Variants in NAALADL2 observed in about 807,000 individuals in gnomAD.
The protein encoded by NAALADL2 is inactive N-acetylated-alpha-linked acidic dipeptidase-like protein 2.
NAALADL2 carries 76 observed loss-of-function variants against 87.2 expected under a neutral mutation model. The observed-to-expected ratio is 0.87, with a 90% CI of 0.72 to 1.05. The LOEUF (loss-of-function observed/expected upper bound fraction) is 1.05. Among genes scored for constraint, NAALADL2 ranks in the 50% least tolerant of loss-of-function variants. NAALADL2 has a pLI of 0.00. For synonymous variants in NAALADL2, 354 were observed against 331.0 expected (o/e 1.07, Z -0.75); for missense variants, 1,089 against 945.8 (o/e 1.15, Z -1.99).
At chr3:174,842,611 T>A (rs1724150937) in intron 3 of NAALADL2, among the ~76,000 whole-genome samples, 1 of 152,206 alleles carries the variant, frequency 6.6e-6, no homozygotes, top group African/African-American at 2.4e-5. Flanking sequence ...TTTTGTTACA[T>A]ACTTCTTTCA....
At chr3:175,659,530 G>A (rs1255974080) in intron 11 of NAALADL2, among the ~76,000 whole-genome samples, 1 of 151,902 alleles carries the variant, frequency 6.6e-6, no homozygotes, top group East Asian at 1.9e-4. Flanking sequence ...TTTAGTTATT[G>A]GAATATTGTA....
At chr3:174,527,263 G>A (rs771950234) in intron 1 of NAALADL2, among the ~76,000 whole-genome samples, 5 of 152,116 alleles carry the variant, frequency 3.3e-5, no homozygotes, top group Admixed American at 6.6e-5. Flanking sequence ...GGTCAGGCCT[G>A]CAATCCCAGC....
rs1754393143 is a variant in NAALADL2, at chr3:175,803,175, T to C, written c.2360T>C (p.Phe787Ser). 6.2e-7 allele frequency: 1 copy of C among 1,610,196 alleles called. No homozygotes were observed. Among genetic ancestry groups the C allele is most frequent in the Non-Finnish European group, 8.5e-7 (1 of 1,178,006 alleles). The change falls in exon 14 of 14, where the codon TTC becomes TCC. Residue 787 changes from phenylalanine (F) to serine (S), a missense_variant. Coordinates refer to ENST00000454872, the MANE Select transcript of NAALADL2 (RefSeq NM_207015.3). ...TACTTCAAAGCAGGACTTGATGTGT[T>C]CAAGAGTGTCTTGGATGGGAAGAAT... ...QVYFKAGLDV[F>S]KSVLDGKN
chr3:175,027,463 T>G (rs555315337), intron 1 of NAALADL2, among the ~76,000 whole-genome samples: 1 of 152,220 alleles, frequency 6.6e-6, no homozygotes, highest in African/African-American at 2.4e-5. Context: ...CATAACGGTA[T>G]GATTTTATTA....
intron 1 of NAALADL2, among the ~76,000 whole-genome samples, chr3:175,021,899 T>TCTGTCCCCTTCAGATCTCAA (rs1292141405): frequency 6.6e-6 from 1 of 152,104 alleles, no homozygotes. Flanking sequence ...CAAGTTGAAA[T>TCTGTCCCCTTCAGATCTCAA]GTGATCTTCA....
intron 1 of NAALADL2, among the ~76,000 whole-genome samples, chr3:174,503,048 T>C (rs1035112020): frequency 6.6e-6 from 1 of 151,692 alleles, no homozygotes; most frequent in Non-Finnish European, 1.5e-5. Flanking sequence ...AAACCTCTTA[T>C]CTTTCATATT....
intron 2 of NAALADL2, among the ~76,000 whole-genome samples, chr3:175,191,783 T>C (rs909438044): frequency 1.3e-5 from 2 of 152,218 alleles, no homozygotes; most frequent in African/African-American, 4.8e-5. Flanking sequence ...CACTGATTTC[T>C]TTAAGAAGTT....
At chr3:174,549,326 A>C (rs1056320703) in intron 1 of NAALADL2, among the ~76,000 whole-genome samples, 5 of 152,222 alleles carry the variant, frequency 3.3e-5, no homozygotes, top group African/African-American at 1.2e-4. Context: ...GAAATCACTT[A>C]GAAAATAAAA....
intron 1 of NAALADL2, among the ~76,000 whole-genome samples, chr3:174,965,628 T>C (rs1742756048): frequency 6.6e-6 from 1 of 152,086 alleles, no homozygotes. Flanking sequence ...ATTTTGTGCT[T>C]ATATGAAGGA....
chr3:174,653,965 CTTA>C (rs756744143), intron 2 of NAALADL2, among the ~76,000 whole-genome samples: 3 of 151,974 alleles, frequency 2.0e-5, no homozygotes, highest in Non-Finnish European at 4.4e-5. Context: ...TTTCTACTCA[CTTA>C]TTTTCAGGAA....
chr3:175,588,475 A>G (rs982144530), intron 10 of NAALADL2, among the ~76,000 whole-genome samples: 1 of 150,626 alleles, frequency 6.6e-6, no homozygotes, highest in Non-Finnish European at 1.5e-5. Flanking sequence ...GAAACACAGT[A>G]TCTGGGAGAT....
At chr3:175,223,925 A>T (rs1380954230) in intron 2 of NAALADL2, among the ~76,000 whole-genome samples, 2 of 152,072 alleles carry the variant, frequency 1.3e-5, no homozygotes, top group African/African-American at 4.8e-5. Flanking sequence ...GTTCTAAAAA[A>T]CTCTAAATGC....
intron 2 of NAALADL2, among the ~76,000 whole-genome samples, chr3:174,687,021 T>TTATGGCTTCCAATCC (rs1728110215): frequency 6.6e-6 from 1 of 152,058 alleles, no homozygotes; most frequent in Non-Finnish European, 1.5e-5. Flanking sequence ...TGCCCCAGTC[T>TTATGGCTTCCAATCC]GTCTTATGGC....
chr3:174,913,520 A>C (rs1401611743), intron 1 of NAALADL2, among the ~76,000 whole-genome samples: 1 of 152,200 alleles, frequency 6.6e-6, no homozygotes, highest in Non-Finnish European at 1.5e-5. Flanking sequence ...TAGAGGCTCT[A>C]GGTTGTGGCA....
At chr3:175,724,330 T>G (rs1742650848) in intron 11 of NAALADL2, among the ~76,000 whole-genome samples, 2 of 152,224 alleles carry the variant, frequency 1.3e-5, no homozygotes, top group Admixed American at 1.3e-4. Flanking sequence ...CAAAAATAAA[T>G]CTTGGAATTT....
chr3:175,177,194 C>T (rs1262987793), intron 2 of NAALADL2, among the ~76,000 whole-genome samples: 1 of 152,060 alleles, frequency 6.6e-6, no homozygotes, highest in African/African-American at 2.4e-5. Flanking sequence ...TCCCTAATAC[C>T]TTACTACTTC....
At chr3:175,232,095 TA>T (rs1745021252) in intron 2 of NAALADL2, among the ~76,000 whole-genome samples, 1 of 150,116 alleles carries the variant, frequency 6.7e-6, no homozygotes, top group Non-Finnish European at 1.5e-5. Flanking sequence ...AGTAGATATT[TA>T]AAAAGAAGAA....
intron 1 of NAALADL2, among the ~76,000 whole-genome samples, chr3:175,085,999 C>G (rs1484808033): frequency 6.6e-6 from 1 of 152,054 alleles, no homozygotes; most frequent in Non-Finnish European, 1.5e-5. Context: ...TCACCAGTTG[C>G]AATAGTTGAA....
At chr3:175,323,540 A>G (rs1335392994) in intron 4 of NAALADL2, among the ~76,000 whole-genome samples, 1 of 152,072 alleles carries the variant, frequency 6.6e-6, no homozygotes, top group East Asian at 1.9e-4. Context: ...TAATCCAAAA[A>G]AAGTAGAAAG....
Sources: allele counts gnomAD v4.1 joint callset (sites outside exome capture counted in the v4.1 genomes callset), GRCh38; gene constraint gnomAD v4.1.1; transcripts MANE v1.5; gene names NCBI Gene and HGNC (gene_info 2026-07-23, HGNC 2026-07-21).